Variants in MBTD1 observed in about 807,000 individuals in gnomAD.
MBTD1 encodes mbt domain containing 1.
MBTD1 carries 24 observed loss-of-function variants against 87.8 expected under a neutral mutation model. That is an observed-to-expected ratio of 0.27 (90% CI 0.20 to 0.38). The LOEUF (loss-of-function observed/expected upper bound fraction) is 0.38, where lower values mean the gene tolerates loss of function less well. Ranked by LOEUF, MBTD1 falls within the 10% of genes least tolerant of loss-of-function variation. The pLI, the probability that MBTD1 is intolerant of heterozygous loss-of-function variation, is 1.00. For missense variants in MBTD1, 436 were observed against 760.2 expected, an observed-to-expected ratio of 0.57 and a Z score of 5.02; for synonymous variants, 237 against 248.6, an observed-to-expected ratio of 0.95 and a Z score of 0.44.
At chr17:51,202,574 T>C (rs1027406479) in intron 10 of MBTD1, 127 bp downstream of exon 10, 1 of 708,546 alleles carries the variant, frequency 1.4e-6, no homozygotes, top group Admixed American at 2.5e-5. Context: ...CTAATTAAGG[T>C]AGAAGAAGCA....
intron 16 of MBTD1, 36 bp from the exon 17 acceptor site, chr17:51,180,730 G>C (rs8065424): frequency 5.4e-6 from 6 of 1,103,330 alleles, no homozygotes; most frequent in Non-Finnish European, 4.1e-6. Flanking sequence ...GGGCATTAAG[G>C]CTCTCTAGAG....
intron 6 of MBTD1, among the ~76,000 whole-genome samples, chr17:51,213,437 C>G (rs1253751970): frequency 6.6e-6 from 1 of 151,894 alleles, no homozygotes; most frequent in Non-Finnish European, 1.5e-5. Context: ...TTTCTTTGAT[C>G]TATACATTGC....
In MBTD1 at chr17:51,180,330, T is replaced by G. The variant is rs1327046502; in HGVS notation, c.*246A>C. 4 of 375,006 alleles carry G rather than the reference T, an allele frequency of 1.1e-5. No homozygotes were observed. Among genetic ancestry groups the G allele is most frequent in the Non-Finnish European group, 1.9e-5 (4 of 211,260 alleles). 23.2% of individuals were successfully genotyped at this position (375,006 alleles called of 1,614,324 possible). A position where few individuals can be genotyped will look rare whatever the true frequency, so the allele number is the denominator to read the frequency against. On this transcript the variant is annotated 3_prime_UTR_variant, in exon 17 of 17. Coordinates refer to ENST00000586178, the MANE Select transcript of MBTD1 (RefSeq NM_017643.3). The stretch of plus-strand genomic sequence containing the variant: ...TGCACATAAATCCAAACTTGGAAAA[T>G]ATTACAAAATTCTTTCAAAAGCTTC...
At chr17:51,196,574 A>C (rs764674612) in intron 12 of MBTD1, among the ~76,000 whole-genome samples, 2 of 151,788 alleles carry the variant, frequency 1.3e-5, no homozygotes, top group African/African-American at 2.4e-5. Context: ...CTTATACTCT[A>C]ATGTTTCCCA....
At chr17:51,192,757 A>T in intron 15 of MBTD1, 25 bp downstream of exon 15, 1 of 1,610,338 alleles carries the variant, frequency 6.2e-7, no homozygotes, top group Non-Finnish European at 8.5e-7. Flanking sequence ...TTACAAAAGG[A>T]CACCTTTTCT....
rs71149353 is a variant in MBTD1, at chr17:51,210,757, A to AAACAAC, written c.487-3758_487-3753dup. On this transcript the variant is annotated intron_variant, in intron 6 of 16. Coordinates refer to ENST00000586178, the MANE Select transcript of MBTD1 (RefSeq NM_017643.3). ...GGCAACAGAGCAAGACTCTGTCTCA[A>AAACAAC]AACAACAACAACAACAACAACAACA... Among the ~76,000 whole-genome samples, 370 of 149,702 alleles carry AAACAAC rather than the reference A, an allele frequency of 2.5e-3. 1 individual carries two copies. Among genetic ancestry groups the AAACAAC allele is most frequent in the Admixed American group, 4.1e-3 (61 of 15,024 alleles).
intron 2 of MBTD1, among the ~76,000 whole-genome samples, chr17:51,225,994 T>C (rs1598381500): frequency 6.6e-6 from 1 of 150,630 alleles, no homozygotes; most frequent in African/African-American, 2.4e-5. Flanking sequence ...GGCCAGGCTG[T>C]TCTCAAACTC....
At position 51,177,813 on chromosome 17, in the gene MBTD1, T is replaced by C. The variant is rs2050158268; in HGVS notation, c.*2763A>G. On this transcript the variant is annotated 3_prime_UTR_variant, in exon 17 of 17. Transcript: ENST00000586178. ...AATGACTGTGGCTTTATTTAAAATA[T>C]GAAAATCAAAGGAAGAAACCCAGTT... 1 of 152,134 alleles carries C rather than the reference T, an allele frequency of 6.6e-6. No homozygotes were observed. Among genetic ancestry groups the C allele is most frequent in the African/African-American group, 2.4e-5 (1 of 41,450 alleles). 9.4% of individuals were successfully genotyped at this position (152,134 alleles called of 1,614,324 possible). A position where few individuals can be genotyped will look rare whatever the true frequency, so the allele number is the denominator to read the frequency against.
chr17:51,186,562 G>T (rs2050545910), intron 16 of MBTD1, among the ~76,000 whole-genome samples: 1 of 152,144 alleles, frequency 6.6e-6, no homozygotes, highest in African/African-American at 2.4e-5. Context: ...GGATCACGAG[G>T]TCAGGAGATT....
intron 2 of MBTD1, among the ~76,000 whole-genome samples, chr17:51,242,978 C>T (rs1256249436): frequency 6.6e-6 from 1 of 152,160 alleles, no homozygotes; most frequent in Non-Finnish European, 1.5e-5. Context: ...CAACAAATCT[C>T]TCGTTTCAAC....
chr17:51,213,907 T>C (rs1184190260), intron 6 of MBTD1, among the ~76,000 whole-genome samples: 7 of 149,556 alleles, frequency 4.7e-5, no homozygotes, highest in African/African-American at 1.5e-4. Context: ...TGCCAATGTA[T>C]GGCAAGTAAA....
Position 51,204,780 on chromosome 17 carries a change from C to A in MBTD1, c.605-855G>T, listed in dbSNP as rs575306180. Among the ~76,000 whole-genome samples the A allele has an allele frequency of 2.6e-5, 4 of 152,282 alleles. No homozygotes were observed. In the East Asian group the frequency reaches 5.8e-4, roughly 22 times the overall value. Reference sequence around the variant, plus strand: ...CCTCCCAAAGGGCTGGGATTACAGGCATGAGCCACTGTGCTTGGCCTTGAA... The same window carrying A: ...CCTCCCAAAGGGCTGGGATTACAGGAATGAGCCACTGTGCTTGGCCTTGAA... On this transcript the variant is annotated intron_variant, in intron 7 of 16. Coordinates refer to ENST00000586178, the MANE Select transcript of MBTD1 (RefSeq NM_017643.3).
chr17:51,217,961 G>A (rs139526431), intron 5 of MBTD1, among the ~76,000 whole-genome samples: 4 of 152,284 alleles, frequency 2.6e-5, no homozygotes, highest in Middle Eastern at 3.4e-3. Flanking sequence ...AAGCTCTTTG[G>A]TTAAGGGGAA....
intron 2 of MBTD1, among the ~76,000 whole-genome samples, chr17:51,254,973 C>T (rs2054997400): frequency 6.6e-6 from 1 of 152,150 alleles, no homozygotes; most frequent in African/African-American, 2.4e-5. Flanking sequence ...CAAACAAGAT[C>T]ATTTATTAGT....
chr17:51,241,395 T>C (rs2054152726), intron 2 of MBTD1, among the ~76,000 whole-genome samples: 1 of 152,202 alleles, frequency 6.6e-6, no homozygotes, highest in Non-Finnish European at 1.5e-5. Context: ...TTCAGCTCAT[T>C]AAATTTTCAC....
intron 6 of MBTD1, among the ~76,000 whole-genome samples, chr17:51,212,887 T>C (rs1177601473): frequency 2.6e-5 from 4 of 151,688 alleles, no homozygotes; most frequent in Non-Finnish European, 5.9e-5. Context: ...CTCCCAAGTC[T>C]AGCTAATTTT....
chr17:51,244,470 T>G (rs1311733308), intron 2 of MBTD1, among the ~76,000 whole-genome samples: 1 of 152,198 alleles, frequency 6.6e-6, no homozygotes, highest in Non-Finnish European at 1.5e-5. Flanking sequence ...TGCAGTGGCA[T>G]GATCTCAGCT....
At chr17:51,230,886 G>A (rs1318119504) in intron 2 of MBTD1, among the ~76,000 whole-genome samples, 1 of 152,116 alleles carries the variant, frequency 6.6e-6, no homozygotes, top group Admixed American at 6.5e-5. Flanking sequence ...TAGATTTTAC[G>A]TTCTAATAGA....
intron 12 of MBTD1, among the ~76,000 whole-genome samples, chr17:51,200,559 C>CAAAAA (rs34253360): frequency 0.021 from 1,282 of 62,220 alleles, 55 homozygotes; most frequent in Non-Finnish European, 0.028. Context: ...GATACCATCT[C>CAAAAA]AAAAAAAAAA....
Sources: allele counts gnomAD v4.1 joint callset (sites outside exome capture counted in the v4.1 genomes callset), GRCh38; gene constraint gnomAD v4.1.1; transcripts MANE v1.5; gene names NCBI Gene and HGNC (gene_info 2026-07-23, HGNC 2026-07-21).